The following TMEM117 variants were observed in gnomAD, a reference collection of about 807,000 sequenced individuals.
TMEM117 encodes the protein transmembrane protein 117.
In TMEM117, 27 loss-of-function variants were observed where a neutral mutation model predicts 52.4. That is an observed-to-expected ratio of 0.51 (90% CI 0.38 to 0.71). The LOEUF is 0.71. TMEM117 is among the 30% of genes least tolerant of loss of function. TMEM117 has a pLI of 0.00. For synonymous variants in TMEM117, 215 were observed against 206.3 expected, an observed-to-expected ratio of 1.04 and a Z score of -0.36; for missense variants, 556 against 630.5, an observed-to-expected ratio of 0.88 and a Z score of 1.26.
At chr12:44,376,175 G>A (rs1951938497) in intron 6 of TMEM117, among the ~76,000 whole-genome samples, 2 of 152,122 alleles carry the variant, frequency 1.3e-5, no homozygotes. Flanking sequence ...TCTTTACTTT[G>A]TCTTCTTACA....
intron 5 of TMEM117, among the ~76,000 whole-genome samples, chr12:44,283,959 T>C (rs1390298403): frequency 6.6e-6 from 1 of 152,184 alleles, no homozygotes; most frequent in African/African-American, 2.4e-5. Context: ...CGAGATCTGA[T>C]GTGTTTATCA....
chr12:44,388,762 C>T lies in TMEM117; in HGVS notation c.*90C>T, dbSNP rs996168692. ...TTTCCTTTTGTATATGTAAGGTTTA[C>T]GTAGTGTTAGGTAAAAATATGAACA... On this transcript the variant is annotated 3_prime_UTR_variant, in exon 8 of 8. Transcript: ENST00000266534. 1.8e-5 allele frequency: 25 copies of T among 1,412,022 alleles called. No individual in the cohort carries two copies. Among genetic ancestry groups the T allele is most frequent in the East Asian group, 6.9e-5 (3 of 43,422 alleles). The allele number at this position is 1,412,022 out of a possible 1,614,324, so 87.5% of individuals were successfully genotyped here. A position where few individuals can be genotyped will look rare whatever the true frequency, so the allele number is the denominator to read the frequency against.
chr12:44,330,337 A>G (rs769625881), intron 6 of TMEM117, among the ~76,000 whole-genome samples: 15 of 152,162 alleles, frequency 9.9e-5, no homozygotes, highest in Non-Finnish European at 1.9e-4. Context: ...TAACCCTAGA[A>G]GCCTCCTGAC....
intron 5 of TMEM117, among the ~76,000 whole-genome samples, chr12:44,258,213 C>T (rs1229949540): frequency 1.3e-5 from 2 of 151,950 alleles, no homozygotes; most frequent in African/African-American, 4.8e-5. Context: ...AGTACAAACC[C>T]CTCCAAAGCA....
At chr12:44,111,629 A>G (rs1232723084) in intron 3 of TMEM117, among the ~76,000 whole-genome samples, 13 of 115,238 alleles carry the variant, frequency 1.1e-4, no homozygotes, top group Non-Finnish European at 1.7e-4. Flanking sequence ...ACTTCCAACT[A>G]TGTGGTCAAT....
At chr12:44,199,643 T>A (rs2138365040) in intron 4 of TMEM117, among the ~76,000 whole-genome samples, 1 of 152,316 alleles carries the variant, frequency 6.6e-6, no homozygotes, top group African/African-American at 2.4e-5. Context: ...TGATGACAGT[T>A]ATACCAGGAT....
chr12:43,926,623 A>G (rs1272927216), intron 2 of TMEM117, among the ~76,000 whole-genome samples: 3 of 152,310 alleles, frequency 2.0e-5, no homozygotes, highest in East Asian at 1.9e-4. Context: ...CTCTCAAACC[A>G]TTTAGACATG....
chr12:44,183,058 G>T (rs932627264), intron 4 of TMEM117, among the ~76,000 whole-genome samples: 2 of 151,842 alleles, frequency 1.3e-5, no homozygotes, highest in Admixed American at 6.6e-5. Context: ...GCATACAGAG[G>T]CATATATGTA....
chr12:43,914,215 G>A (rs1944562369), intron 2 of TMEM117, among the ~76,000 whole-genome samples: 1 of 152,044 alleles, frequency 6.6e-6, no homozygotes, highest in Admixed American at 6.6e-5. Flanking sequence ...TTGGTACTAG[G>A]AATATTCATC....
intron 3 of TMEM117, among the ~76,000 whole-genome samples, chr12:43,948,715 G>A (rs1015832787): frequency 6.6e-6 from 1 of 151,964 alleles, no homozygotes; most frequent in African/African-American, 2.4e-5. Flanking sequence ...TTTTTACAAG[G>A]TGGCAGACTA....
At chr12:44,324,454 A>G (rs1951171307) in intron 6 of TMEM117, among the ~76,000 whole-genome samples, 2 of 152,034 alleles carry the variant, frequency 1.3e-5, no homozygotes, top group Admixed American at 6.6e-5. Flanking sequence ...TGATAACTTC[A>G]TGTTACTTTT....
At chr12:44,305,134 A>C (rs572713436) in intron 6 of TMEM117, among the ~76,000 whole-genome samples, 1 of 152,282 alleles carries the variant, frequency 6.6e-6, no homozygotes, top group Admixed American at 6.5e-5. Flanking sequence ...AAGCTGACTA[A>C]ACAGCCATTG....
At chr12:44,213,052 C>T (rs778555335) in intron 5 of TMEM117, among the ~76,000 whole-genome samples, 3 of 152,098 alleles carry the variant, frequency 2.0e-5, no homozygotes, top group South Asian at 2.1e-4. Context: ...ACTATTTAAC[C>T]TCCATCTTTT....
At position 43,980,995 on chromosome 12, in the gene TMEM117, G is replaced by A. The variant is rs1031313807; in HGVS notation, c.410+36653G>A. 7.9e-5 allele frequency among the ~76,000 whole-genome samples: 12 copies of A among 152,234 alleles called. 1 individual carries two copies. The highest frequency in any genetic ancestry group is 1.9e-4 in the African/African-American group (8 of 41,540). On this transcript the variant is annotated intron_variant, in intron 3 of 7. Coordinates refer to ENST00000266534, the MANE Select transcript of TMEM117 (RefSeq NM_032256.3). The stretch of plus-strand genomic sequence containing the variant: ...GGAGTAAACAAATTTATCTAGATAG[G>A]TTTCTTTACATTCCCTTATTATCTG...
chr12:44,090,164 C>T (rs1035443959), intron 3 of TMEM117, among the ~76,000 whole-genome samples: 2 of 151,938 alleles, frequency 1.3e-5, no homozygotes, highest in African/African-American at 4.8e-5. Flanking sequence ...TTGATTTAAC[C>T]ACCTTTAAAC....
At chr12:44,385,586 G>A (rs1952077414) in intron 7 of TMEM117, among the ~76,000 whole-genome samples, 1 of 152,072 alleles carries the variant, frequency 6.6e-6, no homozygotes, top group East Asian at 1.9e-4. Flanking sequence ...GCAACAGAGT[G>A]AGACACTGTC....
At chr12:44,026,175 C>T (rs1233090093) in intron 3 of TMEM117, among the ~76,000 whole-genome samples, 1 of 152,190 alleles carries the variant, frequency 6.6e-6, no homozygotes, top group East Asian at 1.9e-4. Context: ...AAAGACTTGG[C>T]TTGCTCCTTG....
chr12:44,095,939 A>G (rs542820090), intron 3 of TMEM117, among the ~76,000 whole-genome samples: 89 of 152,306 alleles, frequency 5.8e-4, no homozygotes, highest in African/African-American at 2.0e-3. Flanking sequence ...CCCTGTTTGT[A>G]GACGACATGA....
At chr12:44,052,491 G>A (rs1946989560) in intron 3 of TMEM117, among the ~76,000 whole-genome samples, 1 of 152,138 alleles carries the variant, frequency 6.6e-6, no homozygotes, top group Non-Finnish European at 1.5e-5. Flanking sequence ...AGTTGTGGGT[G>A]TTTTTGTGGG....
Sources: gnomAD v4.1 joint callset for allele counts (sites outside exome capture counted in the v4.1 genomes callset) on GRCh38, gnomAD v4.1.1 for gene constraint, MANE v1.5 for transcripts, NCBI Gene and HGNC (gene_info 2026-07-23, HGNC 2026-07-21) for gene names.